The following SDK1 variants were observed in gnomAD, a reference collection of about 807,000 sequenced individuals.
SDK1 encodes the protein sidekick cell adhesion molecule 1.
Under a neutral mutation model 245.5 loss-of-function variants are expected in SDK1, and 157 were observed. That is an observed-to-expected ratio of 0.64 (90% CI 0.56 to 0.73). SDK1 has a LOEUF of 0.73. SDK1 is among the 30% of genes least tolerant of loss of function. The probability of loss-of-function intolerance (pLI) is 0.00; values close to 1 mark genes in which losing one functional copy is unlikely to be tolerated. For synonymous variants in SDK1, 1,647 were observed against 1,278.5 expected, an observed-to-expected ratio of 1.29 and a Z score of -6.15; for missense variants, 3,583 against 3,002.3, an observed-to-expected ratio of 1.19 and a Z score of -4.52.
At chr7:3,800,665 C>T (rs571456233) in intron 4 of SDK1, among the ~76,000 whole-genome samples, 4 of 152,230 alleles carry the variant, frequency 2.6e-5, no homozygotes, top group Admixed American at 1.3e-4. Context: ...CTGCCTCGCT[C>T]GGCTGCCGTC....
chr7:4,130,135 C>T, intron 27 of SDK1, 38 bp downstream of exon 27: 2 of 1,527,608 alleles, frequency 1.3e-6, no homozygotes, highest in Non-Finnish European at 1.8e-6. Flanking sequence ...GCCTTGCTGC[C>T]TCCCAGGTTG....
At position 3,911,153 on chromosome 7, in the gene SDK1, T is replaced by C. The variant is rs541573932; in HGVS notation, c.848-39770T>C. Among the ~76,000 whole-genome samples the C allele has an allele frequency of 4.6e-5, 7 of 152,278 alleles. No individual in the cohort carries two copies. In the South Asian group the frequency reaches 8.3e-4, roughly 18 times the overall value. On this transcript the variant is annotated intron_variant, in intron 5 of 44. Coordinates refer to ENST00000404826, the MANE Select transcript of SDK1 (RefSeq NM_152744.4). ...AGTTGAAAGGACACATAAAAAAAAT[T>C]ACAGATAAACCTGAAGGCACATGTG...
chr7:3,629,804 G>A (rs1224027962), intron 2 of SDK1, among the ~76,000 whole-genome samples: 1 of 152,178 alleles, frequency 6.6e-6, no homozygotes, highest in African/African-American at 2.4e-5. Context: ...TGCAGATGCA[G>A]GAAAGCATGA....
chr7:3,988,501 C>T (rs558073144), intron 14 of SDK1, among the ~76,000 whole-genome samples: 30 of 152,260 alleles, frequency 2.0e-4, no homozygotes, highest in African/African-American at 6.3e-4. Context: ...GTTCCTGCTG[C>T]GTGCAATATA....
intron 1 of SDK1, among the ~76,000 whole-genome samples, chr7:3,522,846 A>G (rs915197971): frequency 6.6e-6 from 1 of 152,178 alleles, no homozygotes; most frequent in Non-Finnish European, 1.5e-5. Flanking sequence ...GAGGTTCGCT[A>G]TTCACATCAG....
chr7:3,973,230 C>T (rs957538496), intron 12 of SDK1, among the ~76,000 whole-genome samples: 1 of 152,148 alleles, frequency 6.6e-6, no homozygotes, highest in African/African-American at 2.4e-5. Flanking sequence ...CTATCCATCT[C>T]CCTCTTGTGG....
rs1348211699 is a variant in SDK1, at chr7:3,326,608, C to G, written c.298+24724C>G. On this transcript the variant is annotated intron_variant, in intron 1 of 44. Coordinates refer to ENST00000404826, the MANE Select transcript of SDK1 (RefSeq NM_152744.4). The stretch of plus-strand genomic sequence containing the variant: ...GGAAAGGTAGTGTTAGTTTACACAT[C>G]CACTGAGTCCTCATTGCTACATCTT... Among the ~76,000 whole-genome samples, 5 of 152,150 alleles carry G rather than the reference C, an allele frequency of 3.3e-5. No homozygotes were observed. In the East Asian group the frequency reaches 9.6e-4, roughly 29 times the overall value.
chr7:3,948,514 G>A (rs976608724), intron 5 of SDK1, among the ~76,000 whole-genome samples: 4 of 152,074 alleles, frequency 2.6e-5, no homozygotes, highest in Admixed American at 6.5e-5. Flanking sequence ...CACCCGTCTC[G>A]GCCTCCCAAA....
chr7:3,839,043 C>T (rs1780093855), intron 5 of SDK1, among the ~76,000 whole-genome samples: 1 of 152,096 alleles, frequency 6.6e-6, no homozygotes, highest in Non-Finnish European at 1.5e-5. Context: ...CTCAGTGACT[C>T]CAGGGGATAT....
intron 5 of SDK1, among the ~76,000 whole-genome samples, chr7:3,918,055 G>C (rs1779446609): frequency 1.3e-5 from 2 of 152,130 alleles, no homozygotes; most frequent in Admixed American, 1.3e-4. Flanking sequence ...CCCCTTCTAG[G>C]TAGACAAAAC....
At chr7:3,979,191 A>G (rs1783202450) in intron 13 of SDK1, among the ~76,000 whole-genome samples, 1 of 152,174 alleles carries the variant, frequency 6.6e-6, no homozygotes, top group South Asian at 2.1e-4. Flanking sequence ...TAGACTGGGC[A>G]TGGTATCATT....
intron 44 of SDK1, among the ~76,000 whole-genome samples, chr7:4,248,676 G>C (rs1311212755): frequency 6.6e-6 from 1 of 151,188 alleles, no homozygotes. Flanking sequence ...CTACACACCT[G>C]AATACATGCA....
chr7:4,242,291 G>A (rs568700766), intron 43 of SDK1, among the ~76,000 whole-genome samples: 7 of 152,228 alleles, frequency 4.6e-5, no homozygotes, highest in African/African-American at 1.4e-4. Context: ...AGGTGTCCTC[G>A]CAAGCAAGCC....
chr7:4,113,805 T>G (rs1010536154), intron 24 of SDK1, among the ~76,000 whole-genome samples: 4 of 152,206 alleles, frequency 2.6e-5, no homozygotes, highest in African/African-American at 9.6e-5. Context: ...CCCACAAAAT[T>G]AAGCCAAAAT....
intron 1 of SDK1, among the ~76,000 whole-genome samples, chr7:3,557,451 A>G (rs1346412529): frequency 1.3e-5 from 2 of 152,362 alleles, no homozygotes; most frequent in African/African-American, 4.8e-5. Flanking sequence ...GGCTATGGTC[A>G]CAAAAGAGCA....
In SDK1 at chr7:3,604,659, A is replaced by G. The variant is rs189535150; in HGVS notation, c.299-14421A>G. On this transcript the variant is annotated intron_variant, in intron 1 of 44. Transcript: ENST00000404826. Reference sequence around the variant, plus strand: ...CTCTTGTTGCCCAGGCTGGAGTGCAATGGTGTGATCTTGGCTCACTGCAAC... The same window carrying G: ...CTCTTGTTGCCCAGGCTGGAGTGCAGTGGTGTGATCTTGGCTCACTGCAAC... Among the ~76,000 whole-genome samples the G allele has an allele frequency of 4.9e-3, 684 of 139,002 alleles. 10 individuals are homozygous for G. The highest frequency in any genetic ancestry group is 0.017 in the African/African-American group (633 of 36,868). The allele number at this position is 139,002 out of a possible 152,430, so 91.2% of individuals were successfully genotyped here. A position where few individuals can be genotyped will look rare whatever the true frequency, so the allele number is the denominator to read the frequency against.
At position 3,739,598 on chromosome 7, in the gene SDK1, C is replaced by T. The variant is rs560994524; in HGVS notation, c.714-81852C>T. ...TCCAGTGAATTTATTTGTTATTTTA[C>T]CTTTTAACCAAAATTAATACTTTTA... On this transcript the variant is annotated intron_variant, in intron 4 of 44. Coordinates refer to ENST00000404826, the MANE Select transcript of SDK1 (RefSeq NM_152744.4). Among the ~76,000 whole-genome samples the T allele has an allele frequency of 2.6e-5, 4 of 152,082 alleles. 1 individual carries two copies. Among genetic ancestry groups the T allele is most frequent in the African/African-American group, 9.6e-5 (4 of 41,516 alleles).
chr7:3,482,803 G>A (rs1346939713), intron 1 of SDK1, among the ~76,000 whole-genome samples: 1 of 152,202 alleles, frequency 6.6e-6, no homozygotes, highest in African/African-American at 2.4e-5. Flanking sequence ...CAGGAAAACA[G>A]GTAAAGGATT....
At chr7:4,218,220 A>G (rs891466260) in intron 38 of SDK1, among the ~76,000 whole-genome samples, 15 of 152,154 alleles carry the variant, frequency 9.9e-5, no homozygotes, top group African/African-American at 3.6e-4. Context: ...CCGGGCCAAC[A>G]TGGTGAAACT....
Sources: gnomAD v4.1 joint callset for allele counts (sites outside exome capture counted in the v4.1 genomes callset) on GRCh38, gnomAD v4.1.1 for gene constraint, MANE v1.5 for transcripts, NCBI Gene and HGNC (gene_info 2026-07-23, HGNC 2026-07-21) for gene names.